The following PTPRG variants were observed in gnomAD, a reference collection of about 807,000 sequenced individuals.
PTPRG encodes the protein protein tyrosine phosphatase receptor type G, also known as receptor-type tyrosine-protein phosphatase gamma.
PTPRG carries 102 observed loss-of-function variants against 165.3 expected under a neutral mutation model. The ratio of observed to expected loss-of-function variants is 0.62; its 90% CI spans 0.53 to 0.73. The LOEUF is 0.73. PTPRG is among the 30% of genes least tolerant of loss of function. The pLI, the probability that PTPRG is intolerant of heterozygous loss-of-function variation, is 0.00. For missense variants in PTPRG, 1,866 were observed against 1,861.4 expected (o/e 1.00, Z -0.05); for synonymous variants, 675 against 669.5 (o/e 1.01, Z -0.13).
chr3:61,908,329 G>A (rs2038711398), intron 2 of PTPRG, among the ~76,000 whole-genome samples: 1 of 150,548 alleles, frequency 6.6e-6, no homozygotes, highest in African/African-American at 2.5e-5. Flanking sequence ...GGGAGGCTGA[G>A]GTGGGGAATC....
chr3:62,293,116 A>T (rs199973318), intron 29 of PTPRG, 45 bp from the exon 30 acceptor site: 15 of 1,471,004 alleles, frequency 1.0e-5, no homozygotes, highest in Non-Finnish European at 1.4e-5. Flanking sequence ...ATGTGAAATC[A>T]CTAAACTGTT....
chr3:62,023,000 A>C (rs1295556460), intron 4 of PTPRG, among the ~76,000 whole-genome samples: 1 of 152,134 alleles, frequency 6.6e-6, no homozygotes, highest in Non-Finnish European at 1.5e-5. Context: ...TAATTAATAC[A>C]TTCAAAACAA....
At chr3:62,074,057 T>C (rs1701294520) in intron 4 of PTPRG, among the ~76,000 whole-genome samples, 1 of 152,196 alleles carries the variant, frequency 6.6e-6, no homozygotes, top group Non-Finnish European at 1.5e-5. Flanking sequence ...GTAATTCTAA[T>C]AATTATTCTG....
intron 10 of PTPRG, among the ~76,000 whole-genome samples, chr3:62,200,195 A>T (rs1700064972): frequency 6.6e-6 from 1 of 152,184 alleles, no homozygotes; most frequent in African/African-American, 2.4e-5. Context: ...TGTGTGAACA[A>T]CCTTAACACT....
At chr3:61,834,959 TAGTGAA>T (rs1489521220) in intron 2 of PTPRG, among the ~76,000 whole-genome samples, 3 of 152,246 alleles carry the variant, frequency 2.0e-5, no homozygotes, top group Admixed American at 2.0e-4. Flanking sequence ...CCACCCAAGC[TAGTGAA>T]AGCTTGGGTT....
At chr3:61,580,777 GATT>G (rs1700276910) in intron 1 of PTPRG, among the ~76,000 whole-genome samples, 1 of 152,282 alleles carries the variant, frequency 6.6e-6, no homozygotes, top group African/African-American at 2.4e-5. Flanking sequence ...AGGACTTAAC[GATT>G]ATTATTTTCT....
chr3:62,005,576 A>G (rs2041277129), intron 4 of PTPRG, among the ~76,000 whole-genome samples: 1 of 152,060 alleles, frequency 6.6e-6, no homozygotes, highest in Non-Finnish European at 1.5e-5. Flanking sequence ...GAAGACCTCT[A>G]GAGCTAGGAA....
At chr3:61,992,526 A>AT (rs542955360) in intron 3 of PTPRG, among the ~76,000 whole-genome samples, 8 of 149,464 alleles carry the variant, frequency 5.4e-5, no homozygotes, top group African/African-American at 1.7e-4. Context: ...TGCCCGGCTA[A>AT]TTTTTTTTTT....
At chr3:62,075,614 A>G (rs548925649) in intron 4 of PTPRG, among the ~76,000 whole-genome samples, 1 of 152,342 alleles carries the variant, frequency 6.6e-6, no homozygotes, top group Admixed American at 6.5e-5. Context: ...GAATTTTCCT[A>G]GGAAGTGTCC....
chr3:61,909,465 T>TG (rs1321433849), intron 2 of PTPRG, among the ~76,000 whole-genome samples: 2 of 152,154 alleles, frequency 1.3e-5, no homozygotes, highest in Non-Finnish European at 2.9e-5. Context: ...TCCTCCCACG[T>TG]CAGTCCCCCA....
At chr3:62,260,882 A>G (rs577567584) in intron 16 of PTPRG, 5 of 152,320 alleles carry the variant, frequency 3.3e-5, no homozygotes, top group African/African-American at 1.2e-4. Flanking sequence ...AGATTTGACA[A>G]TATTTATTAC....
chr3:62,185,597 A>G (rs1212454490), intron 8 of PTPRG, among the ~76,000 whole-genome samples: 1 of 152,206 alleles, frequency 6.6e-6, no homozygotes, highest in Non-Finnish European at 1.5e-5. Flanking sequence ...GCAAAAAAAA[A>G]GAAAAATTGA....
At chr3:61,949,023 T>C (rs1312954485) in intron 2 of PTPRG, among the ~76,000 whole-genome samples, 1 of 142,024 alleles carries the variant, frequency 7.0e-6, no homozygotes, top group Non-Finnish European at 1.5e-5. Context: ...AGAAGGCACT[T>C]AACAAAAAAG....
At chr3:61,620,960 G>T (rs1466665408) in intron 1 of PTPRG, among the ~76,000 whole-genome samples, 1 of 150,548 alleles carries the variant, frequency 6.6e-6, no homozygotes, top group Non-Finnish European at 1.5e-5. Flanking sequence ...GCGTAGTGTG[G>T]ATCAGTGGTC....
chr3:61,672,748 GAGAGGGAGAGGGAGA>G (rs964350913), intron 1 of PTPRG, among the ~76,000 whole-genome samples: 1 of 143,918 alleles, frequency 6.9e-6, no homozygotes, highest in African/African-American at 2.7e-5. Flanking sequence ...GAGGGAGAGG[GAGAGGGAGAGGGAGA>G]AGAGGGAGAG....
intron 8 of PTPRG, among the ~76,000 whole-genome samples, chr3:62,182,316 T>TA (rs1401527801): frequency 6.6e-6 from 1 of 152,226 alleles, no homozygotes; most frequent in Admixed American, 6.5e-5. Context: ...AGCTTTGTGA[T>TA]ATCTTTTGGT....
chr3:61,784,632 A>G (rs2034642047), intron 2 of PTPRG, among the ~76,000 whole-genome samples: 1 of 152,172 alleles, frequency 6.6e-6, no homozygotes, highest in African/African-American at 2.4e-5. Flanking sequence ...GGGTATGCAT[A>G]ACGCTGGTAG....
chr3:62,141,602 A>G (rs1576055078), intron 6 of PTPRG, among the ~76,000 whole-genome samples: 1 of 152,144 alleles, frequency 6.6e-6, no homozygotes, highest in East Asian at 1.9e-4. Flanking sequence ...TGGTCTTAAC[A>G]AAAAAGAAGA....
intron 1 of PTPRG, among the ~76,000 whole-genome samples, chr3:61,595,399 T>C (rs1473118982): frequency 6.6e-6 from 1 of 152,206 alleles, no homozygotes; most frequent in Non-Finnish European, 1.5e-5. Context: ...ATGTCTCTTC[T>C]TACAGCTGGG....
Sources: allele counts gnomAD v4.1 joint callset (sites outside exome capture counted in the v4.1 genomes callset), GRCh38; gene constraint gnomAD v4.1.1; transcripts MANE v1.5; gene names NCBI Gene and HGNC (gene_info 2026-07-23, HGNC 2026-07-21).